ANK3: variants seen among roughly 807,000 people sequenced by gnomAD.
ANK3 encodes the protein ankyrin 3, also known as ankyrin-3.
In ANK3, 57 loss-of-function variants were observed where a neutral mutation model predicts 370.9. The ratio of observed to expected loss-of-function variants is 0.15; its 90% CI spans 0.12 to 0.19. The LOEUF is 0.19. Among genes scored for constraint, ANK3 ranks in the 10% least tolerant of loss-of-function variants. The pLI is 1.00. For synonymous variants in ANK3, 1,929 were observed against 1,946.3 expected, an observed-to-expected ratio of 0.99 and a Z score of 0.23; for missense variants, 4,439 against 5,302.1, an observed-to-expected ratio of 0.84 and a Z score of 5.06.
intron 5 of ANK3, among the ~76,000 whole-genome samples, chr10:60,264,681 G>A (rs1001726156): frequency 3.3e-5 from 5 of 151,630 alleles, no homozygotes; most frequent in African/African-American, 9.7e-5. Context: ...TCCAGGCAAA[G>A]TTTTCAAAGG....
intron 1 of ANK3, among the ~76,000 whole-genome samples, chr10:60,312,489 G>A (rs956137299): frequency 1.3e-5 from 2 of 152,204 alleles, no homozygotes; most frequent in African/African-American, 4.8e-5. Flanking sequence ...GGTTTGGCAA[G>A]GTGGACACAG....
At chr10:60,554,421 C>T (rs763555871) in intron 2 of ANK3, among the ~76,000 whole-genome samples, 2 of 152,082 alleles carry the variant, frequency 1.3e-5, no homozygotes, top group Non-Finnish European at 2.9e-5. Context: ...AAGGAACGAG[C>T]CTATAGTGCA....
At position 60,028,833 on chromosome 10, in the gene ANK3, C is replaced by G. The variant is rs1428648139; in HGVS notation, c.*1013G>C. ...CACTAACAGATAGCATCCCCCCACC[C>G]CCTAAAGCAACTACCGTATAGGTTA... On this transcript the variant is annotated 3_prime_UTR_variant, in exon 44 of 44. Transcript: ENST00000280772. 2.0e-5 allele frequency: 3 copies of G among 152,342 alleles called. No homozygotes were observed. The highest frequency in any genetic ancestry group is 7.3e-5 in the African/African-American group (3 of 41,334). 9.4% of individuals were successfully genotyped at this position (152,342 alleles called of 1,614,324 possible).
At chr10:60,426,919 T>C (rs1438055594) in intron 2 of ANK3, among the ~76,000 whole-genome samples, 2 of 152,156 alleles carry the variant, frequency 1.3e-5, no homozygotes, top group Non-Finnish European at 2.9e-5. Context: ...AAATCACACC[T>C]GATTTCCAGT....
At chr10:60,326,172 A>G (rs1593799637) in intron 1 of ANK3, among the ~76,000 whole-genome samples, 1 of 152,152 alleles carries the variant, frequency 6.6e-6, no homozygotes, top group East Asian at 1.9e-4. Flanking sequence ...AAAACCACCA[A>G]TGGGTACTAG....
At chr10:60,400,126 C>T (rs1029916433) in intron 2 of ANK3, among the ~76,000 whole-genome samples, 1 of 150,946 alleles carries the variant, frequency 6.6e-6, no homozygotes, top group Admixed American at 6.6e-5. Flanking sequence ...GTGGGATTTG[C>T]TAAATAGAAA....
chr10:60,540,393 G>A (rs1773636318), intron 2 of ANK3, among the ~76,000 whole-genome samples: 1 of 151,818 alleles, frequency 6.6e-6, no homozygotes, highest in South Asian at 2.1e-4. Context: ...TAAGCTCATG[G>A]GATCCATGAA....
Position 60,347,711 on chromosome 10 carries a change from G to T in ANK3, c.114+41714C>A, listed in dbSNP as rs564210314. Among the ~76,000 whole-genome samples the T allele has an allele frequency of 3.3e-5, 5 of 152,148 alleles. No individual in the cohort carries two copies. The South Asian group carries it at 1.0e-3, about 32-fold the overall frequency. ...TTTTCTTATATCACTAGACCTATTC[G>T]TAATGATATAAAGAGGTGTACCTTA... On this transcript the variant is annotated intron_variant, in intron 1 of 43. Coordinates refer to ENST00000280772, the MANE Select transcript of ANK3 (RefSeq NM_020987.5).
chr10:60,510,664 A>T (rs965761764), intron 2 of ANK3, among the ~76,000 whole-genome samples: 2 of 151,984 alleles, frequency 1.3e-5, no homozygotes, highest in African/African-American at 4.8e-5. Context: ...AAAATATATT[A>T]AAAAATTCAG....
chr10:60,349,372 A>G (rs539240054), intron 1 of ANK3, among the ~76,000 whole-genome samples: 45 of 152,206 alleles, frequency 3.0e-4, no homozygotes, highest in Non-Finnish European at 5.4e-4. Flanking sequence ...CAGGAAATTC[A>G]AAACTGAAGC....
intron 2 of ANK3, among the ~76,000 whole-genome samples, chr10:60,421,229 A>C (rs1161384019): frequency 6.6e-6 from 1 of 152,096 alleles, no homozygotes; most frequent in Admixed American, 6.6e-5. Flanking sequence ...TGGGGTGATA[A>C]AAGAATTTTG....
In ANK3 at chr10:60,181,447, C is replaced by A. The variant is rs1448721275; in HGVS notation, c.2086-20G>T. 1 of 1,607,024 alleles carries A rather than the reference C, an allele frequency of 6.2e-7. No individual in the cohort carries two copies. The highest frequency in any genetic ancestry group is 8.5e-7 in the Non-Finnish European group (1 of 1,173,616). On this transcript the variant is annotated intron_variant, in intron 17 of 43. Coordinates refer to ENST00000280772, the MANE Select transcript of ANK3 (RefSeq NM_020987.5). ...GCCGCTCTGCAAAAGATTCAAAGGGCACAGTCATCGTACAGGAAGGAATGT... is the reference window on the plus strand; with the variant it reads ...GCCGCTCTGCAAAAGATTCAAAGGGAACAGTCATCGTACAGGAAGGAATGT...
chr10:60,728,560 CTCTT>C (rs763808199), intron 1 of ANK3, among the ~76,000 whole-genome samples: 1 of 152,200 alleles, frequency 6.6e-6, no homozygotes, highest in Non-Finnish European at 1.5e-5. Flanking sequence ...TTGTCTATAA[CTCTT>C]TCAGCATTTA....
intron 1 of ANK3, among the ~76,000 whole-genome samples, chr10:60,342,616 A>C (rs1029942214): frequency 2.0e-5 from 3 of 152,162 alleles, no homozygotes; most frequent in African/African-American, 7.2e-5. Context: ...GCTGAGAGAA[A>C]ATGTATTTTC....
intron 2 of ANK3, among the ~76,000 whole-genome samples, chr10:60,546,821 ACT>A: frequency 6.6e-6 from 1 of 152,022 alleles, no homozygotes; most frequent in Non-Finnish European, 1.5e-5. Context: ...ACATCAGGCC[ACT>A]CTATGAGAGG....
chr10:60,069,787 A>G lies in ANK3; in HGVS notation c.11094T>C (p.Ser3698=). 1.2e-6 allele frequency: 2 copies of G among 1,614,092 alleles called. No individual in the cohort carries two copies. Among genetic ancestry groups the G allele is most frequent in the Non-Finnish European group, 1.7e-6 (2 of 1,179,998 alleles). The change falls in exon 37 of 44, where the codon AGT becomes AGC. Residue 3698 remains serine, a synonymous_variant. Coordinates refer to ENST00000280772, the MANE Select transcript of ANK3 (RefSeq NM_020987.5). ...TSGECQEGTS[S]SGSLEKSAAA... ...CTGCTGATTTCTCCAGGGAGCCACT[A>G]CTGGATGTGCCTTCCTGACACTCTC...
chr10:60,727,207 G>C (rs973111877), intron 1 of ANK3, among the ~76,000 whole-genome samples: 2 of 152,140 alleles, frequency 1.3e-5, no homozygotes, highest in African/African-American at 2.4e-5. Context: ...GTCAAAAGTT[G>C]AAAACAACTC....
At chr10:60,322,979 G>A (rs10821723) in intron 1 of ANK3, among the ~76,000 whole-genome samples, 54,900 of 151,740 alleles carry the variant, frequency 0.36, 10,511 homozygotes, top group Middle Eastern at 0.49. Context: ...GCTTGGTTTG[G>A]AGCTTGTTAT....
At chr10:60,037,567 T>C (rs1261310873) in intron 43 of ANK3, among the ~76,000 whole-genome samples, 1 of 152,200 alleles carries the variant, frequency 6.6e-6, no homozygotes, top group Non-Finnish European at 1.5e-5. Flanking sequence ...CCTATGTTAG[T>C]TTGCTAAGGA....
Sources: gnomAD v4.1 joint callset for allele counts (sites outside exome capture counted in the v4.1 genomes callset) on GRCh38, gnomAD v4.1.1 for gene constraint, MANE v1.5 for transcripts, NCBI Gene and HGNC (gene_info 2026-07-23, HGNC 2026-07-21) for gene names.